Variants in SHOX observed in about 807,000 individuals in gnomAD.
SHOX encodes short stature homeobox protein.
SHOX carries 12 observed loss-of-function variants against 29.6 expected under a neutral mutation model. That is an observed-to-expected ratio of 0.41 (90% CI 0.26 to 0.66). SHOX has a LOEUF of 0.66. SHOX is among the 30% of genes least tolerant of loss of function. SHOX has a pLI of 0.35. For synonymous variants in SHOX, 214 were observed against 200.6 expected (o/e 1.07, Z -0.57); for missense variants, 499 against 437.7 (o/e 1.14, Z -1.25).
rs1355240648 is a variant in SHOX at position 636,472 on chromosome X, T to C, written c.486+1646T>C. Among the ~76,000 whole-genome samples, 2 of 27,792 alleles carry C rather than the reference T, an allele frequency of 7.2e-5. 1 individual carries two copies. The highest frequency in any genetic ancestry group is 0.014 in the East Asian group (2 of 146). The allele number at this position is 27,792 out of a possible 152,430, so 18.2% of individuals were successfully genotyped here. A position where few individuals can be genotyped will look rare whatever the true frequency, so the allele number is the denominator to read the frequency against. ...ATATAAAGAAATATATATAAACATA[T>C]ATACATATAAAATATACATATATAA... On this transcript the variant is annotated intron_variant, in intron 2 of 4. Transcript: ENST00000686671.
At position 649,865 on chromosome X, in the gene SHOX, T is replaced by A; in HGVS notation, c.*5229T>A. ...AGTTGAGCAAAAAACACTTCTTCCTTTGAGTGGCTGTTCTGGTGAAATCTG... is the reference window on the plus strand; with the variant it reads ...AGTTGAGCAAAAAACACTTCTTCCTATGAGTGGCTGTTCTGGTGAAATCTG... On this transcript the variant is annotated 3_prime_UTR_variant, in exon 5 of 5. Transcript: ENST00000686671. 1 of 455,394 alleles carries A rather than the reference T, an allele frequency of 2.2e-6. No homozygotes were observed. Among genetic ancestry groups the A allele is most frequent in the South Asian group, 1.6e-5 (1 of 64,440 alleles). The allele number at this position is 455,394 out of a possible 1,614,324, so 28.2% of individuals were successfully genotyped here.
chrX:631,530 T>TTTTGTTTG (rs771180677), intron 1 of SHOX, among the ~76,000 whole-genome samples: 10 of 150,870 alleles, frequency 6.6e-5, no homozygotes, highest in African/African-American at 1.7e-4. Flanking sequence ...CCTTTCCTTT[T>TTTTGTTTG]TTTGTTTGTT....
Position 645,388 on chromosome X carries a change from G to GTTTTTTTTTTTTTTTTTTTTTTT in SHOX, c.*753_*754insTTTTTTTTTTTTTTTTTTTTTTT, listed in dbSNP as rs1398738646. 4 of 77,746 alleles carry GTTTTTTTTTTTTTTTTTTTTTTT rather than the reference G, an allele frequency of 5.1e-5. 1 individual carries two copies. Among genetic ancestry groups the GTTTTTTTTTTTTTTTTTTTTTTT allele is most frequent in the African/African-American group, 1.6e-4 (4 of 24,340 alleles). 4.8% of individuals were successfully genotyped at this position (77,746 alleles called of 1,614,324 possible). A position where few individuals can be genotyped will look rare whatever the true frequency, so the allele number is the denominator to read the frequency against. On this transcript the variant is annotated 3_prime_UTR_variant, in exon 5 of 5. Coordinates refer to ENST00000686671, the MANE Select transcript of SHOX (RefSeq NM_000451.4). Reference sequence around the variant, plus strand: ...TTGGGTCTGGTTTTGTTTTGGATTGGTATTTTTTTTTTTTTTTTTTTTTTT... The same window carrying GTTTTTTTTTTTTTTTTTTTTTTT: ...TTGGGTCTGGTTTTGTTTTGGATTGGTTTTTTTTTTTTTTTTTTTTTTTTATTTTTTTTTTTTTTTTTTTTTTT...
At chrX:630,314 C>CA (rs201627167), upstream of SHOX, among the ~76,000 whole-genome samples, 1 of 151,660 alleles carries the variant, frequency 6.6e-6, no homozygotes, top group African/African-American at 2.4e-5. Flanking sequence ...CGGATCCCCC[C>CA]CTCGCCATCT....
rs2052680261 is a variant in SHOX at position 643,459 on chromosome X, C to G, written c.634-932C>G. On this transcript the variant is annotated intron_variant, in intron 4 of 4. Coordinates refer to ENST00000686671, the MANE Select transcript of SHOX (RefSeq NM_000451.4). The stretch of plus-strand genomic sequence containing the variant: ...TGGGGACCTGGTGACCCGGGAGAGC[C>G]TTGGGGACCTGGTGTCCTGGGGAGA... 2.8e-5 allele frequency among the ~76,000 whole-genome samples: 4 copies of G among 143,424 alleles called. No homozygotes were observed. The South Asian group carries it at 9.1e-4, about 33-fold the overall frequency. The allele number at this position is 143,424 out of a possible 152,430, so 94.1% of individuals were successfully genotyped here.
At chrX:639,239 T>C (rs898489454) in intron 2 of SHOX, among the ~76,000 whole-genome samples, 1 of 152,170 alleles carries the variant, frequency 6.6e-6, no homozygotes, top group African/African-American at 2.4e-5. Flanking sequence ...CAGAAGTCCT[T>C]AGAGGGGCAG....
chrX:650,044 G>A lies in SHOX; in HGVS notation c.*5408G>A, dbSNP rs1002604367. On this transcript the variant is annotated 3_prime_UTR_variant, in exon 5 of 5. Coordinates refer to ENST00000686671, the MANE Select transcript of SHOX (RefSeq NM_000451.4). Reference sequence around the variant, plus strand: ...GCATACTTTGCAAAGGTGTGTTCCTGGCAATTGCCAAGAGTTAGAAAAATG... The same window carrying A: ...GCATACTTTGCAAAGGTGTGTTCCTAGCAATTGCCAAGAGTTAGAAAAATG... 48 of 455,540 alleles carry A rather than the reference G, an allele frequency of 1.1e-4. No individual in the cohort carries two copies. The highest frequency in any genetic ancestry group is 3.1e-4 in the Admixed American group (13 of 42,456). 28.2% of individuals were successfully genotyped at this position (455,540 alleles called of 1,614,324 possible).
chrX:643,062 T>C (rs2052887442), intron 4 of SHOX, among the ~76,000 whole-genome samples: 1 of 142,186 alleles, frequency 7.0e-6, no homozygotes, highest in Admixed American at 6.9e-5. Flanking sequence ...CTTGGGGATC[T>C]GGTGTCCCGG....
chrX:644,698 G>A lies in SHOX; in HGVS notation c.*62G>A. On this transcript the variant is annotated 3_prime_UTR_variant, in exon 5 of 5. Coordinates refer to ENST00000686671, the MANE Select transcript of SHOX (RefSeq NM_000451.4). ...GCTCCGCGCACCCCGCCTGCACCGC[G>A]CGTCCTGCACTCAACCCCGCCTGGA... is the stretch of plus-strand genomic sequence containing the variant. 5 of 1,370,946 alleles carry A rather than the reference G, an allele frequency of 3.6e-6. No homozygotes were observed. Among genetic ancestry groups the A allele is most frequent in the Non-Finnish European group, 3.7e-6 (4 of 1,072,892 alleles). 84.9% of individuals were successfully genotyped at this position (1,370,946 alleles called of 1,614,324 possible).
intron 1 of SHOX, among the ~76,000 whole-genome samples, chrX:624,934 T>C (rs2052488208): frequency 7.7e-6 from 1 of 129,492 alleles, no homozygotes; most frequent in South Asian, 2.7e-4. Flanking sequence ...TTCTTTCTTT[T>C]CTTTCTTTCA....
At position 631,124 on chromosome X, in the gene SHOX, A is replaced by G; in HGVS notation, c.227A>G (p.Asp76Gly). 1 of 1,613,610 alleles carries G rather than the reference A, an allele frequency of 6.2e-7. No homozygotes were observed. The highest frequency in any genetic ancestry group is 8.5e-7 in the Non-Finnish European group (1 of 1,179,850). ...CPVHLFKDHVDNDKEKLKEFG... is the reference protein window; with the variant it reads ...CPVHLFKDHVGNDKEKLKEFG... Reference sequence around the variant, plus strand: ...GTGCATTTGTTCAAGGACCACGTAGACAATGACAAGGAGAAACTGAAAGAA... The same window carrying G: ...GTGCATTTGTTCAAGGACCACGTAGGCAATGACAAGGAGAAACTGAAAGAA... Residue 76 changes from aspartate (D) to glycine (G), a missense_variant, in exon 1 of 5, where the codon GAC becomes GGC. Asp to Gly is a moderately conservative substitution (Grantham distance 94). Coordinates refer to ENST00000686671, the MANE Select transcript of SHOX (RefSeq NM_000451.4).
Position 650,953 on chromosome X carries a change from T to C in SHOX, c.*6317T>C, listed in dbSNP as rs1319106871. Among the ~76,000 whole-genome samples, 18 of 152,080 alleles carry C rather than the reference T, an allele frequency of 1.2e-4. No homozygotes were observed. The highest frequency in any genetic ancestry group is 2.9e-5 in the Non-Finnish European group (2 of 68,022). On this transcript the variant is annotated 3_prime_UTR_variant, in exon 5 of 5. Transcript: ENST00000686671. ...ATTTAATGAGAAGCCGGTTAAGGAA[T>C]GTAGACAATATCCCGTTTCAAAGCT...
rs928739665 is a variant in SHOX, at chrX:624,862, T to TTTTCTTTC, written c.-433+294_-433+301dup. 9.1e-3 allele frequency among the ~76,000 whole-genome samples: 703 copies of TTTTCTTTC among 76,840 alleles called. 8 individuals carry two copies. Among genetic ancestry groups the TTTTCTTTC allele is most frequent in the Middle Eastern group, 0.031 (5 of 160 alleles). 50.4% of individuals were successfully genotyped at this position (76,840 alleles called of 152,430 possible). ...TCCTTCCTCTCTTCCTCTTTCTTTC[T>TTTTCTTTC]TTTCTTTCTTTCTTTCTTTCTTTCT... On this transcript the variant is annotated intron_variant, in intron 1 of 5. Coordinates refer to the SHOX transcript ENST00000334060.
upstream of SHOX, among the ~76,000 whole-genome samples, chrX:628,399 C>G (rs1454403530): frequency 6.7e-6 from 1 of 148,952 alleles, no homozygotes; most frequent in Non-Finnish European, 1.5e-5. Flanking sequence ...CTGTCTCTCC[C>G]TTTCTCTCTC....
rs766338429 is a variant in SHOX, at chrX:644,901, C to A, written c.*265C>A. The A allele has an allele frequency of 3.5e-5, 16 of 452,140 alleles. No individual in the cohort carries two copies. Among genetic ancestry groups the A allele is most frequent in the Non-Finnish European group, 4.2e-5 (11 of 263,430 alleles). The allele number at this position is 452,140 out of a possible 1,614,324, so 28.0% of individuals were successfully genotyped here. A position where few individuals can be genotyped will look rare whatever the true frequency, so the allele number is the denominator to read the frequency against. On this transcript the variant is annotated 3_prime_UTR_variant, in exon 5 of 5. Coordinates refer to ENST00000686671, the MANE Select transcript of SHOX (RefSeq NM_000451.4). ...CCGGGCCTCTCCAAGGCTGCCCGTG[C>A]GTCCTGGGACCCTGGAGAAGGGTAA...
At chrX:657,878 G>A (rs776299884) in intron 5 of SHOX, among the ~76,000 whole-genome samples, 1 of 152,298 alleles carries the variant, frequency 6.6e-6, no homozygotes, top group African/African-American at 2.4e-5. Flanking sequence ...AGTGGAAGGG[G>A]CAGATGGAAA....
At chrX:632,254 G>T (rs926856911) in intron 1 of SHOX, among the ~76,000 whole-genome samples, 1 of 152,046 alleles carries the variant, frequency 6.6e-6, no homozygotes, top group Non-Finnish European at 1.5e-5. Flanking sequence ...GCTCCCCTCT[G>T]GCCCTTCCTC....
chrX:651,641 GAAA>G (rs553983413), downstream of SHOX, among the ~76,000 whole-genome samples: 1,098 of 107,516 alleles, frequency 0.01, 16 homozygotes, highest in African/African-American at 0.037. Context: ...AGGCTTATTG[GAAA>G]AAAAAAAAAA....
rs1187069757 is a variant in SHOX, at chrX:651,356, C to T, written c.*6720C>T. On this transcript the variant is annotated 3_prime_UTR_variant, in exon 5 of 5. Transcript: ENST00000686671. ...AAACCAACAGTCTTCACATTTCTATCCCTCTGTTATTGTCGGCAGGCGGTG... is the reference window on the plus strand; with the variant it reads ...AAACCAACAGTCTTCACATTTCTATTCCTCTGTTATTGTCGGCAGGCGGTG... 2.2e-6 allele frequency: 1 copy of T among 455,342 alleles called. No homozygotes were observed. Among genetic ancestry groups the T allele is most frequent in the African/African-American group, 2.0e-5 (1 of 49,852 alleles). The allele number at this position is 455,342 out of a possible 1,614,324, so 28.2% of individuals were successfully genotyped here. A position where few individuals can be genotyped will look rare whatever the true frequency, so the allele number is the denominator to read the frequency against.
Sources: gnomAD v4.1 joint callset for allele counts (sites outside exome capture counted in the v4.1 genomes callset) on GRCh38, gnomAD v4.1.1 for gene constraint, MANE v1.5 for transcripts, NCBI Gene and HGNC (gene_info 2026-07-23, HGNC 2026-07-21) for gene names.